SASH1: variants seen among roughly 807,000 people sequenced by gnomAD.
SASH1 encodes SAM and SH3 domain containing 1.
In SASH1, 44 loss-of-function variants were observed where a neutral mutation model predicts 125.2. The ratio of observed to expected loss-of-function variants is 0.35; its 90% CI spans 0.28 to 0.45. The LOEUF (loss-of-function observed/expected upper bound fraction) is 0.45. SASH1 is among the 20% of genes least tolerant of loss of function. The pLI is 1.00. For synonymous variants in SASH1, 639 were observed against 649.1 expected (o/e 0.98, Z 0.24); for missense variants, 1,426 against 1,614.5 (o/e 0.88, Z 2.00).
At chr6:148,467,596 T>C (rs957919883) in intron 4 of SASH1, among the ~76,000 whole-genome samples, 6 of 152,158 alleles carry the variant, frequency 3.9e-5, no homozygotes, top group Non-Finnish European at 7.4e-5. Context: ...TTTAAAAACA[T>C]TGGTTTCTTT....
chr6:148,525,772 G>A (rs1781108118), intron 11 of SASH1, among the ~76,000 whole-genome samples: 1 of 152,256 alleles, frequency 6.6e-6, no homozygotes, highest in Non-Finnish European at 1.5e-5. Flanking sequence ...AGTATGTGCT[G>A]GCATTTTGGA....
intron 2 of SASH1, among the ~76,000 whole-genome samples, chr6:148,432,129 C>T (rs1776087631): frequency 6.6e-6 from 1 of 152,116 alleles, no homozygotes. Flanking sequence ...GCCTGTGCCA[C>T]CACGCTGGGC....
Position 148,421,209 on chromosome 6 carries a change from G to GAAAGAA in SASH1, c.286-18967_286-18962dup, listed in dbSNP as rs1421696084. On this transcript the variant is annotated intron_variant, in intron 2 of 19. Transcript: ENST00000367467. ...AGAAAGAAAGAAAGAAAGAAAGAAA[G>GAAAGAA]AAAGAAAAAGAAAGAAAGAAGGAAG... Among the ~76,000 whole-genome samples the GAAAGAA allele has an allele frequency of 7.3e-5, 10 of 137,218 alleles. No homozygotes were observed. In the East Asian group the frequency reaches 1.8e-3, roughly 25 times the overall value. The allele number at this position is 137,218 out of a possible 152,430, so 90.0% of individuals were successfully genotyped here.
At chr6:148,524,980 C>A in intron 10 of SASH1, 1 of 327,338 alleles carries the variant, frequency 3.1e-6, no homozygotes, top group Non-Finnish European at 5.8e-6. Flanking sequence ...TCTCACAGCA[C>A]TGGACTCATG....
chr6:148,447,772 G>C (rs1216361330), intron 4 of SASH1, among the ~76,000 whole-genome samples: 1 of 149,600 alleles, frequency 6.7e-6, no homozygotes, highest in African/African-American at 2.5e-5. Flanking sequence ...CTCTTCCTCT[G>C]TGGTCTGCCA....
In SASH1 at chr6:148,497,608, A is replaced by G. The variant is rs61209691; in HGVS notation, c.729+9893A>G. On this transcript the variant is annotated intron_variant, in intron 8 of 19. Transcript: ENST00000367467. ...CTTCCCGTCAACTGTCATTCTTAAA[A>G]TACTTGAGTTCCCATAAAAGTGCTA... is the stretch of plus-strand genomic sequence containing the variant. Among the ~76,000 whole-genome samples the G allele has an allele frequency of 4.1e-3, 630 of 152,358 alleles. 4 individuals are homozygous for G. Among genetic ancestry groups the G allele is most frequent in the African/African-American group, 0.014 (600 of 41,584 alleles).
intron 5 of SASH1, among the ~76,000 whole-genome samples, 175 bp from the exon 6 acceptor site, chr6:148,471,242 A>T (rs1026293679): frequency 1.3e-5 from 2 of 151,992 alleles, no homozygotes; most frequent in Non-Finnish European, 2.9e-5. Flanking sequence ...CTTTTAAACA[A>T]CTTTATAGGC....
chr6:148,383,492 A>T (rs1272573991), intron 1 of SASH1, among the ~76,000 whole-genome samples: 2 of 152,154 alleles, frequency 1.3e-5, no homozygotes, highest in Non-Finnish European at 2.9e-5. Flanking sequence ...AACTTTGGGG[A>T]GTTAGAGCAA....
At chr6:148,332,169 G>C (rs1781013448) in intron 1 of SASH1, among the ~76,000 whole-genome samples, 1 of 152,082 alleles carries the variant, frequency 6.6e-6, no homozygotes, top group South Asian at 2.1e-4. Flanking sequence ...TTTAGCATGG[G>C]TTTGGCTCAC....
the SASH1 span, among the ~76,000 whole-genome samples, chr6:148,224,373 T>A: frequency 6.6e-6 from 1 of 152,086 alleles, no homozygotes; most frequent in South Asian, 2.1e-4. Context: ...CAGCCTTTTT[T>A]TTTTTGAGAC....
At chr6:148,279,167 A>G (rs1779268409) in intron 1 of SASH1, among the ~76,000 whole-genome samples, 3 of 151,790 alleles carry the variant, frequency 2.0e-5, no homozygotes, top group Non-Finnish European at 4.4e-5. Context: ...AATTTTTTGT[A>G]TTTTAGTAGA....
intron 1 of SASH1, among the ~76,000 whole-genome samples, chr6:148,276,521 G>A (rs760520105): frequency 4.6e-5 from 7 of 152,100 alleles, no homozygotes; most frequent in South Asian, 4.1e-4. Context: ...GCGCCCAGTC[G>A]ATTTGTAAGT....
the SASH1 span, among the ~76,000 whole-genome samples, chr6:148,238,896 G>T: frequency 1.8e-4 from 27 of 152,240 alleles, no homozygotes; most frequent in African/African-American, 6.3e-4. Flanking sequence ...GCTCCCAAAA[G>T]TCACTCTGGG....
At chr6:148,487,386 A>G (rs1778923286) in intron 7 of SASH1, among the ~76,000 whole-genome samples, 2 of 152,078 alleles carry the variant, frequency 1.3e-5, no homozygotes, top group Non-Finnish European at 2.9e-5. Context: ...ATGAAAACCC[A>G]TAGGGCAGGG....
Position 148,532,191 on chromosome 6 carries a change from C to T in SASH1, c.1564+530C>T, listed in dbSNP as rs902180346. Among the ~76,000 whole-genome samples, 4 of 152,106 alleles carry T rather than the reference C, an allele frequency of 2.6e-5. No homozygotes were observed. The highest frequency in any genetic ancestry group is 4.8e-5 in the African/African-American group (2 of 41,404). On this transcript the variant is annotated intron_variant, in intron 13 of 19. Coordinates refer to ENST00000367467, the MANE Select transcript of SASH1 (RefSeq NM_015278.5). This position sits in a 1 kb window ranked among gnomAD's most constrained non-coding sequence, Gnocchi z 4.7. ...CTCCCTGGCTCAAGGGATCCTCCTG[C>T]CTCAGCCTTCCGCATAGCTGTACTA...
intron 8 of SASH1, among the ~76,000 whole-genome samples, chr6:148,491,516 C>T (rs1489183081): frequency 1.3e-5 from 2 of 152,128 alleles, no homozygotes; most frequent in East Asian, 1.9e-4. Context: ...GTGATTCACC[C>T]GCCTCGGCCT....
At chr6:148,235,431 G>A in the SASH1 span, among the ~76,000 whole-genome samples, 1 of 152,104 alleles carries the variant, frequency 6.6e-6, no homozygotes, top group Non-Finnish European at 1.5e-5. Flanking sequence ...CAATCATGGA[G>A]GCATAGCTAA....
At chr6:148,453,818 G>A (rs187469305) in intron 4 of SASH1, among the ~76,000 whole-genome samples, 27 of 152,216 alleles carry the variant, frequency 1.8e-4, no homozygotes, top group African/African-American at 5.8e-4. Flanking sequence ...GGTGAACCCC[G>A]CTTGGGGGAT....
At chr6:148,295,118 T>C (rs2128510267) in intron 1 of SASH1, among the ~76,000 whole-genome samples, 1 of 152,254 alleles carries the variant, frequency 6.6e-6, no homozygotes, top group East Asian at 1.9e-4. Context: ...ACCAGTCTAA[T>C]ACAATGTCCT....
Sources: allele counts gnomAD v4.1 joint callset (sites outside exome capture counted in the v4.1 genomes callset), GRCh38; gene constraint gnomAD v4.1.1; non-coding constraint Gnocchi (gnomAD v3.1); transcripts MANE v1.5; gene names NCBI Gene and HGNC (gene_info 2026-07-23, HGNC 2026-07-21).